Variants in SLC35F1 observed in about 807,000 individuals in gnomAD.
The protein encoded by SLC35F1 is chromosome 6 open reading frame 169.
A neutral mutation model predicts 48.7 loss-of-function variants in SLC35F1; 14 were observed. The ratio of observed to expected loss-of-function variants is 0.29; its 90% CI spans 0.19 to 0.45. The LOEUF (loss-of-function observed/expected upper bound fraction) is 0.45, where lower values mean the gene tolerates loss of function less well. Among genes scored for constraint, SLC35F1 ranks in the 20% least tolerant of loss-of-function variants. The probability of loss-of-function intolerance (pLI) is 1.00; values close to 1 mark genes in which losing one functional copy is unlikely to be tolerated. For missense variants in SLC35F1, 404 were observed against 500.0 expected (o/e 0.81, Z 1.83); for synonymous variants, 190 against 202.2 (o/e 0.94, Z 0.51).
intron 7 of SLC35F1, among the ~76,000 whole-genome samples, chr6:118,299,523 G>A (rs528695069): frequency 8.5e-5 from 13 of 152,118 alleles, no homozygotes; most frequent in East Asian, 1.9e-4. Flanking sequence ...TAACATTATC[G>A]GAATATTTTA....
intron 1 of SLC35F1, among the ~76,000 whole-genome samples, chr6:118,151,894 C>T (rs1228193825): frequency 6.6e-6 from 1 of 151,986 alleles, no homozygotes; most frequent in Admixed American, 6.6e-5. Flanking sequence ...TTAATCACCC[C>T]CTTTATTTCA....
At chr6:118,294,059 T>C (rs1488566573) in intron 7 of SLC35F1, among the ~76,000 whole-genome samples, 1 of 152,222 alleles carries the variant, frequency 6.6e-6, no homozygotes, top group African/African-American at 2.4e-5. Flanking sequence ...AGTTAGATAA[T>C]GTATAAAAGG....
intron 3 of SLC35F1, among the ~76,000 whole-genome samples, chr6:118,237,029 CA>C (rs1775374262): frequency 6.6e-6 from 1 of 152,130 alleles, no homozygotes; most frequent in Non-Finnish European, 1.5e-5. Flanking sequence ...AAAAGAGACA[CA>C]AAATGCCTCC....
chr6:118,183,974 T>C (rs1424315831), intron 2 of SLC35F1, among the ~76,000 whole-genome samples: 2 of 152,066 alleles, frequency 1.3e-5, no homozygotes, highest in Admixed American at 1.3e-4. Context: ...CAGAGAGAAA[T>C]CTGTTTCTCT....
At chr6:118,304,675 T>G (rs993546070) in intron 7 of SLC35F1, among the ~76,000 whole-genome samples, 2 of 152,168 alleles carry the variant, frequency 1.3e-5, no homozygotes, top group Admixed American at 6.5e-5. Flanking sequence ...ATCACTGACA[T>G]TTGTTTAACA....
intron 1 of SLC35F1, among the ~76,000 whole-genome samples, chr6:118,132,619 T>C (rs765442980): frequency 6.6e-6 from 1 of 152,238 alleles, no homozygotes; most frequent in Non-Finnish European, 1.5e-5. Flanking sequence ...TTATTGTTAT[T>C]GTCACTGTAT....
At chr6:118,135,362 C>A (rs1443919008) in intron 1 of SLC35F1, among the ~76,000 whole-genome samples, 1 of 152,192 alleles carries the variant, frequency 6.6e-6, no homozygotes, top group African/African-American at 2.4e-5. Context: ...CATTCAAGAA[C>A]CTTCCATGCT....
At chr6:118,110,768 GTCTTA>G (rs1773387407) in intron 1 of SLC35F1, among the ~76,000 whole-genome samples, 1 of 150,978 alleles carries the variant, frequency 6.6e-6, no homozygotes, top group South Asian at 2.1e-4. Context: ...TTAGACAGCA[GTCTTA>G]TGGATATACT....
intron 1 of SLC35F1, among the ~76,000 whole-genome samples, chr6:118,147,885 A>T (rs960644739): frequency 6.6e-6 from 1 of 152,228 alleles, no homozygotes; most frequent in Non-Finnish European, 1.5e-5. Flanking sequence ...GCAGAATGTG[A>T]GGCAAAGATA....
At position 118,275,594 on chromosome 6, in the gene SLC35F1, C is replaced by T; in HGVS notation, c.773C>T (p.Ala258Val). Reference protein sequence around the residue: ...EFLGMIGLFGAFFSGIQLAIM... With the variant: ...EFLGMIGLFGVFFSGIQLAIM... ...CTGGGAATGATTGGTCTCTTTGGAG[C>T]ATTTTTCAGTGGAATTCAATTGTGA... The change falls in exon 5 of 8, where the codon GCA becomes GTA. Residue 258 changes from alanine (A) to valine (V), a missense_variant. Ala to Val is a moderately conservative substitution (Grantham distance 64, BLOSUM62 0). Transcript: ENST00000360388. The T allele has an allele frequency of 6.2e-7, 1 of 1,613,724 alleles. No individual in the cohort carries two copies. Among genetic ancestry groups the T allele is most frequent in the East Asian group, 2.2e-5 (1 of 44,796 alleles).
At chr6:118,097,836 G>C (rs1457908023) in intron 1 of SLC35F1, among the ~76,000 whole-genome samples, 2 of 152,136 alleles carry the variant, frequency 1.3e-5, no homozygotes, top group African/African-American at 4.8e-5. Flanking sequence ...AATTATTCTA[G>C]AGTGAATTTT....
intron 1 of SLC35F1, among the ~76,000 whole-genome samples, chr6:118,000,160 A>C (rs1777069130): frequency 6.6e-6 from 1 of 152,240 alleles, no homozygotes; most frequent in Non-Finnish European, 1.5e-5. Context: ...AGAGAATTTT[A>C]GACCAATATC....
At chr6:118,008,303 C>T (rs2114874092) in intron 1 of SLC35F1, among the ~76,000 whole-genome samples, 1 of 151,586 alleles carries the variant, frequency 6.6e-6, no homozygotes, top group South Asian at 2.1e-4. Context: ...CAGCGACTAT[C>T]ACATTGTATT....
intron 1 of SLC35F1, among the ~76,000 whole-genome samples, chr6:118,045,688 A>G (rs2114905569): frequency 6.6e-6 from 1 of 152,302 alleles, no homozygotes; most frequent in East Asian, 1.9e-4. Flanking sequence ...GGACAGTATC[A>G]AAATGCACAG....
At chr6:118,054,627 A>G (rs1004176102) in intron 1 of SLC35F1, among the ~76,000 whole-genome samples, 16 of 152,076 alleles carry the variant, frequency 1.1e-4, no homozygotes, top group African/African-American at 3.9e-4. Context: ...GGTATTTCAC[A>G]TTACCTGTCA....
At chr6:117,909,393 A>T (rs1034883630) in intron 1 of SLC35F1, among the ~76,000 whole-genome samples, 5 of 152,098 alleles carry the variant, frequency 3.3e-5, no homozygotes, top group Non-Finnish European at 1.5e-5. Flanking sequence ...GAAAATATTG[A>T]TGTAATATTT....
intron 1 of SLC35F1, among the ~76,000 whole-genome samples, chr6:118,004,933 C>T (rs987039330): frequency 1.3e-5 from 2 of 151,922 alleles, no homozygotes; most frequent in African/African-American, 4.8e-5. Context: ...AGGGAATATA[C>T]AGTCTCAGGC....
chr6:118,181,158 G>A (rs1451080266), intron 2 of SLC35F1, among the ~76,000 whole-genome samples: 2 of 152,090 alleles, frequency 1.3e-5, no homozygotes, highest in African/African-American at 4.8e-5. Context: ...TTCAAATGAT[G>A]TACTTCAGGG....
At chr6:118,299,469 T>C (rs1286134672) in intron 7 of SLC35F1, among the ~76,000 whole-genome samples, 1 of 152,160 alleles carries the variant, frequency 6.6e-6, no homozygotes, top group Non-Finnish European at 1.5e-5. Context: ...TTTTAAAATG[T>C]CTAAAATAAA....
Sources: gnomAD v4.1 joint callset for allele counts (sites outside exome capture counted in the v4.1 genomes callset) on GRCh38, gnomAD v4.1.1 for gene constraint, MANE v1.5 for transcripts, NCBI Gene and HGNC (gene_info 2026-07-23, HGNC 2026-07-21) for gene names.